The following SLC2A12 variants were observed in gnomAD, a reference collection of about 807,000 sequenced individuals.
The protein encoded by SLC2A12 is solute carrier family 2, facilitated glucose transporter member 12.
Under a neutral mutation model 41.8 loss-of-function variants are expected in SLC2A12, and 23 were observed. That is an observed-to-expected ratio of 0.55 (90% confidence interval 0.40 to 0.78). SLC2A12 has a LOEUF of 0.78. Ranked by LOEUF, SLC2A12 falls within the 30% of genes least tolerant of loss-of-function variation. SLC2A12 has a pLI of 0.00. For missense variants in SLC2A12, 654 were observed against 745.6 expected, an observed-to-expected ratio of 0.88 and a Z score of 1.43; for synonymous variants, 295 against 285.9, an observed-to-expected ratio of 1.03 and a Z score of -0.32.
intron 4 of SLC2A12, among the ~76,000 whole-genome samples, chr6:134,000,565 T>A (rs1451043289): frequency 6.6e-6 from 1 of 152,222 alleles, no homozygotes; most frequent in African/African-American, 2.4e-5. Flanking sequence ...TTTCCTCCCA[T>A]TATATTAAAA....
At position 134,029,206 on chromosome 6, in the gene SLC2A12, C is replaced by T; in HGVS notation, c.619G>A (p.Gly207Arg). ...KYMFGLVIPL[G>R]VLQAIAMYFL... Reference sequence around the variant, plus strand: ...TACATTGCAATTGCTTGCAAAACTCCCAAGGGAATCACAAGACCAAACATG... The same window carrying T: ...TACATTGCAATTGCTTGCAAAACTCTCAAGGGAATCACAAGACCAAACATG... The change falls in exon 2 of 5, where the codon GGA becomes AGA. Residue 207 changes from glycine (G) to arginine (R), a missense_variant. Transcript: ENST00000275230. 1 of 1,614,094 alleles carries T rather than the reference C, an allele frequency of 6.2e-7. No individual in the cohort carries two copies. The highest frequency in any genetic ancestry group is 2.2e-5 in the East Asian group (1 of 44,874).
chr6:134,026,806 A>G (rs1052466790), intron 2 of SLC2A12, among the ~76,000 whole-genome samples: 1 of 152,206 alleles, frequency 6.6e-6, no homozygotes, highest in Non-Finnish European at 1.5e-5. Flanking sequence ...CCATGACCCA[A>G]TCTTGCCACA....
At chr6:134,050,563 G>C (rs1773661541) in intron 1 of SLC2A12, among the ~76,000 whole-genome samples, 2 of 152,082 alleles carry the variant, frequency 1.3e-5, no homozygotes, top group African/African-American at 2.4e-5. Context: ...AAGCTATTAA[G>C]AGCACATTGT....
At chr6:134,019,007 T>C (rs1777005744) in intron 2 of SLC2A12, among the ~76,000 whole-genome samples, 1 of 152,206 alleles carries the variant, frequency 6.6e-6, no homozygotes, top group African/African-American at 2.4e-5. Context: ...TTTGGTGTCA[T>C]CTGTCACTTG....
chr6:134,008,330 T>C (rs1776839506), intron 2 of SLC2A12, among the ~76,000 whole-genome samples: 1 of 152,216 alleles, frequency 6.6e-6, no homozygotes, highest in African/African-American at 2.4e-5. Context: ...CTAAATTGGA[T>C]TGCAGAAGAC....
intron 1 of SLC2A12, among the ~76,000 whole-genome samples, chr6:134,043,935 C>T (rs150362441): frequency 0.01 from 1,540 of 152,224 alleles, 36 homozygotes; most frequent in African/African-American, 0.035. Flanking sequence ...GTGCCTGCTG[C>T]CAGCTTCAGA....
intron 2 of SLC2A12, among the ~76,000 whole-genome samples, chr6:134,009,879 T>C (rs1173862101): frequency 6.6e-6 from 1 of 152,076 alleles, no homozygotes; most frequent in African/African-American, 2.4e-5. Context: ...ATTTAAACAA[T>C]GATTCCAGAT....
intron 2 of SLC2A12, among the ~76,000 whole-genome samples, chr6:134,016,072 G>A (rs140948703): frequency 3.3e-5 from 5 of 152,196 alleles, no homozygotes; most frequent in Admixed American, 1.3e-4. Context: ...CCAGTTCTCC[G>A]TAGGTCTCTC....
At position 133,987,840 on chromosome 6, in the gene SLC2A12, T is replaced by C. The variant is rs1776560622; in HGVS notation, c.*3315A>G. ...GCTAATTTAATATGATAGAAAATGT[T>C]AAATAACTTGTAAAGGTTAAGAAAT... On this transcript the variant is annotated 3_prime_UTR_variant, in exon 5 of 5. Transcript: ENST00000275230. 2 of 152,570 alleles carry C rather than the reference T, an allele frequency of 1.3e-5. No individual in the cohort carries two copies. The highest frequency in any genetic ancestry group is 4.8e-5 in the African/African-American group (2 of 41,446). 9.5% of individuals were successfully genotyped at this position (152,570 alleles called of 1,614,324 possible).
intron 2 of SLC2A12, among the ~76,000 whole-genome samples, chr6:134,013,258 G>A (rs1428780323): frequency 1.2e-4 from 18 of 151,986 alleles, no homozygotes; most frequent in Admixed American, 1.2e-3. Context: ...TTGCACTCCA[G>A]CCTGGGTGAC....
chr6:133,994,152 A>C (rs1776655428), intron 4 of SLC2A12, among the ~76,000 whole-genome samples: 1 of 152,218 alleles, frequency 6.6e-6, no homozygotes, highest in Admixed American at 6.5e-5. Flanking sequence ...GAGCCAACAC[A>C]ACTTCCTGAT....
intron 2 of SLC2A12, among the ~76,000 whole-genome samples, chr6:134,024,342 T>C (rs1777085582): frequency 6.6e-6 from 1 of 152,222 alleles, no homozygotes; most frequent in East Asian, 1.9e-4. Context: ...AAGCAGAAGC[T>C]TCAGAAGGCC....
At chr6:134,042,348 C>T (rs1410263684) in intron 1 of SLC2A12, among the ~76,000 whole-genome samples, 3 of 151,952 alleles carry the variant, frequency 2.0e-5, no homozygotes, top group Non-Finnish European at 4.4e-5. Flanking sequence ...AAATTAATAC[C>T]TGAATGGCCA....
chr6:134,032,426 T>TATATTTA (rs1777223371), intron 1 of SLC2A12, among the ~76,000 whole-genome samples: 58 of 35,498 alleles, frequency 1.6e-3, no homozygotes, highest in African/African-American at 6.9e-3. Flanking sequence ...ATATATATAT[T>TATATTTA]TATATATATA....
At chr6:134,004,369 T>C (rs547979298) in intron 3 of SLC2A12, among the ~76,000 whole-genome samples, 1 of 152,166 alleles carries the variant, frequency 6.6e-6, no homozygotes, top group Admixed American at 6.5e-5. Context: ...GAAAATTTTA[T>C]ATAAAAACCC....
intron 4 of SLC2A12, among the ~76,000 whole-genome samples, chr6:133,993,593 T>C (rs2114413926): frequency 6.6e-6 from 1 of 152,334 alleles, no homozygotes; most frequent in African/African-American, 2.4e-5. Context: ...CTTCATGGAA[T>C]TTAAATATAG....
chr6:134,032,182 G>A (rs1777217416), intron 1 of SLC2A12, among the ~76,000 whole-genome samples: 1 of 151,694 alleles, frequency 6.6e-6, no homozygotes, highest in Admixed American at 6.6e-5. Flanking sequence ...GATCCTAGTA[G>A]GCTATGGGAA....
intron 1 of SLC2A12, among the ~76,000 whole-genome samples, chr6:134,043,291 G>A (rs188008391): frequency 1.3e-5 from 2 of 152,190 alleles, no homozygotes; most frequent in Admixed American, 6.5e-5. Context: ...TCAGAACCAC[G>A]AAACTCCTGA....
intron 1 of SLC2A12, among the ~76,000 whole-genome samples, chr6:134,032,419 TATATA>T (rs1777221763): frequency 3.0e-5 from 1 of 32,788 alleles, no homozygotes; most frequent in Non-Finnish European, 6.2e-5. Context: ...TATATATATA[TATATA>T]TTTATATATA....
Sources: allele counts gnomAD v4.1 joint callset (sites outside exome capture counted in the v4.1 genomes callset), GRCh38; gene constraint gnomAD v4.1.1; transcripts MANE v1.5; gene names NCBI Gene and HGNC (gene_info 2026-07-23, HGNC 2026-07-21).